The following COL27A1 variants were observed in gnomAD, a reference collection of about 807,000 sequenced individuals.
The protein encoded by COL27A1 is collagen alpha-1(XXVII) chain.
In COL27A1, 106 loss-of-function variants were observed where a neutral mutation model predicts 251.3. That is an observed-to-expected ratio of 0.42 (90% confidence interval 0.36 to 0.50). The LOEUF (loss-of-function observed/expected upper bound fraction) is 0.50, where lower values mean the gene tolerates loss of function less well. Among genes scored for constraint, COL27A1 ranks in the 20% least tolerant of loss-of-function variants. The pLI is 0.00. For synonymous variants in COL27A1, 1,000 were observed against 986.3 expected, an observed-to-expected ratio of 1.01 and a Z score of -0.26; for missense variants, 2,325 against 2,522.8, an observed-to-expected ratio of 0.92 and a Z score of 1.68.
chr9:114,237,348 A>G (rs1122517), intron 18 of COL27A1, among the ~76,000 whole-genome samples: 126,132 of 152,272 alleles, frequency 0.83, 53,058 homozygotes, highest in African/African-American at 0.96. Context: ...ATTGAGTGTC[A>G]CTGTGCATCC....
chr9:114,263,586 C>T (rs1834510557), intron 28 of COL27A1, among the ~76,000 whole-genome samples: 2 of 152,288 alleles, frequency 1.3e-5, no homozygotes, highest in Middle Eastern at 3.4e-3. Flanking sequence ...ATGAGAGCGG[C>T]TAATGTGTTA....
chr9:114,270,509 T>C (rs1338195141), intron 35 of COL27A1, among the ~76,000 whole-genome samples: 1 of 152,134 alleles, frequency 6.6e-6, no homozygotes, highest in African/African-American at 2.4e-5. Flanking sequence ...TCTGCTCCCC[T>C]TTTCTGGAGA....
chr9:114,210,787 C>T (rs1564472887), intron 11 of COL27A1, among the ~76,000 whole-genome samples, 195 bp from the exon 12 acceptor site: 1 of 152,254 alleles, frequency 6.6e-6, no homozygotes, highest in South Asian at 2.1e-4. Context: ...TGGCATTTCT[C>T]TGTCTCTTAG....
At position 114,222,211 on chromosome 9, in the gene COL27A1, C is replaced by T. The variant is rs1421230960; in HGVS notation, c.2422-12C>T. On this transcript the variant is annotated splice_polypyrimidine_tract_variant and intron_variant, in intron 13 of 60. Transcript: ENST00000356083. ...GGGACAAGTAACCACCTTGGTCTCT[C>T]TCTATCTGCAGGGAGAACTGGGCCT... is the stretch of plus-strand genomic sequence containing the variant. 1 of 1,613,532 alleles carries T rather than the reference C, an allele frequency of 6.2e-7. No homozygotes were observed. The highest frequency in any genetic ancestry group is 1.7e-5 in the Admixed American group (1 of 60,006).
rs535794082 is a variant in COL27A1, at chr9:114,207,122, C to T, written c.2268+826C>T. ...GTCTTCCGAGGCCTGGACTTGCTGC[C>T]TCTCAAGGAATGCTCAGGAAGGGGG... On this transcript the variant is annotated intron_variant, in intron 10 of 60. Transcript: ENST00000356083. Among the ~76,000 whole-genome samples the T allele has an allele frequency of 5.7e-4, 87 of 152,352 alleles. 1 individual carries two copies. The highest frequency in any genetic ancestry group is 5.6e-3 in the Admixed American group (86 of 15,306).
At position 114,206,839 on chromosome 9, in the gene COL27A1, C is replaced by T. The variant is rs143255519; in HGVS notation, c.2268+543C>T. Among the ~76,000 whole-genome samples the T allele has an allele frequency of 1.4e-3, 216 of 152,290 alleles. 2 individuals are homozygous for T. Among genetic ancestry groups the T allele is most frequent in the African/African-American group, 4.8e-3 (201 of 41,548 alleles). ...CTACCTCTACAATGGTCATGATGTC[C>T]ATTTGTACCTCTAGTCTGGTTATGT... is the stretch of plus-strand genomic sequence containing the variant. On this transcript the variant is annotated intron_variant, in intron 10 of 60. Transcript: ENST00000356083.
rs755936258 is a variant in COL27A1 at position 114,209,556 on chromosome 9, A to AC, written c.2269-117dup. On this transcript the variant is annotated intron_variant, in intron 10 of 60. Coordinates refer to ENST00000356083, the MANE Select transcript of COL27A1 (RefSeq NM_032888.4). ...AGGAGCCACCGGAGCTGCCACTGCC[A>AC]CCAGGGAGGAAGAGGAGGAGCCGGG... 23 of 931,784 alleles carry AC rather than the reference A, an allele frequency of 2.5e-5. No individual in the cohort carries two copies. The South Asian group carries it at 2.8e-4, about 11-fold the overall frequency. 57.7% of individuals were successfully genotyped at this position (931,784 alleles called of 1,614,324 possible). A position where few individuals can be genotyped will look rare whatever the true frequency, so the allele number is the denominator to read the frequency against.
chr9:114,285,814 G>T (rs1362229025), intron 41 of COL27A1, among the ~76,000 whole-genome samples: 1 of 152,224 alleles, frequency 6.6e-6, no homozygotes, highest in Non-Finnish European at 1.5e-5. Flanking sequence ...GGAGGCCCTG[G>T]TGTGCCCCAA....
In COL27A1 at chr9:114,167,616, C is replaced by T. The variant is rs1564416420; in HGVS notation, c.134-73C>T. The T allele has an allele frequency of 3.0e-6, 4 of 1,349,518 alleles. No homozygotes were observed. The African/African-American group carries it at 4.3e-5, about 15-fold the overall frequency. 83.6% of individuals were successfully genotyped at this position (1,349,518 alleles called of 1,614,324 possible). ...TGGACGGTCCACATTGCCTGTGCCC[C>T]TTAGGGGGTAGGGGGTGGGGTGGGC... On this transcript the variant is annotated intron_variant, in intron 2 of 60. Coordinates refer to ENST00000356083, the MANE Select transcript of COL27A1 (RefSeq NM_032888.4).
chr9:114,184,283 C>A, intron 5 of COL27A1, among the ~76,000 whole-genome samples: 1 of 152,246 alleles, frequency 6.6e-6, no homozygotes, highest in East Asian at 1.9e-4. Context: ...AAGCCCTTAA[C>A]TGATTGGCTC....
chr9:114,196,335 C>T (rs776876560), intron 7 of COL27A1, among the ~76,000 whole-genome samples: 4 of 152,228 alleles, frequency 2.6e-5, no homozygotes, highest in African/African-American at 7.2e-5. Flanking sequence ...GATGGAGTAA[C>T]CTGTGCTGGC....
At chr9:114,166,274 C>T (rs4355848) in intron 2 of COL27A1, among the ~76,000 whole-genome samples, 79,947 of 126,682 alleles carry the variant, frequency 0.63, 22,467 homozygotes, top group South Asian at 0.73. Flanking sequence ...CATCCATCCA[C>T]CCATCCATCC....
intron 37 of COL27A1, among the ~76,000 whole-genome samples, chr9:114,277,712 G>A (rs1362757139): frequency 1.3e-5 from 2 of 152,216 alleles, no homozygotes; most frequent in African/African-American, 4.8e-5. Flanking sequence ...AGGCCAAGGG[G>A]AATTTAGCAG....
At chr9:114,284,005 G>T (rs901458040) in intron 40 of COL27A1, among the ~76,000 whole-genome samples, 2 of 152,234 alleles carry the variant, frequency 1.3e-5, no homozygotes, top group Non-Finnish European at 2.9e-5. Context: ...AAGCCTTCTT[G>T]GGTATTTCCT....
At chr9:114,252,715 C>T in intron 26 of COL27A1, 69 bp downstream of exon 26, 1 of 1,482,530 alleles carries the variant, frequency 6.7e-7, no homozygotes, top group Non-Finnish European at 9.4e-7. Context: ...TGCTCTCCTC[C>T]ATGAACCGCT....
intron 19 of COL27A1, 130 bp downstream of exon 19, chr9:114,237,845 G>A: frequency 1.4e-6 from 1 of 718,052 alleles, no homozygotes; most frequent in Non-Finnish European, 2.5e-6. Context: ...AGGCTGAGAG[G>A]AGAAACTCCT....
chr9:114,167,603 A>G (rs1848977448), intron 2 of COL27A1, 86 bp from the exon 3 acceptor site: 1 of 1,138,308 alleles, frequency 8.8e-7, no homozygotes, highest in South Asian at 1.4e-5. Flanking sequence ...GACGGTCCAC[A>G]TTGCCTGTGC....
chr9:114,206,188 C>T (rs961639348), intron 9 of COL27A1, 64 bp from the exon 10 acceptor site: 3 of 1,536,516 alleles, frequency 2.0e-6, no homozygotes, highest in Non-Finnish European at 2.7e-6. Context: ...CAGGACTTGC[C>T]CCAGGATTGG....
At chr9:114,162,503 A>G (rs1033347578) in intron 1 of COL27A1, among the ~76,000 whole-genome samples, 1 of 152,078 alleles carries the variant, frequency 6.6e-6, no homozygotes, top group African/African-American at 2.4e-5. Context: ...TTGTCTATAT[A>G]AGCAGGTCCT....
Sources: gnomAD v4.1 joint callset for allele counts (sites outside exome capture counted in the v4.1 genomes callset) on GRCh38, gnomAD v4.1.1 for gene constraint, MANE v1.5 for transcripts, NCBI Gene and HGNC (gene_info 2026-07-23, HGNC 2026-07-21) for gene names.